Variants in SIPA1L1 observed in about 807,000 individuals in gnomAD.
The protein encoded by SIPA1L1 is signal induced proliferation associated 1 like 1, also known as signal-induced proliferation-associated 1-like protein 1.
Under a neutral mutation model 162.7 loss-of-function variants are expected in SIPA1L1, and 26 were observed. The ratio of observed to expected loss-of-function variants is 0.16; its 90% CI spans 0.12 to 0.22. SIPA1L1 has a LOEUF of 0.22. Ranked by LOEUF, SIPA1L1 falls within the 10% of genes least tolerant of loss-of-function variation. SIPA1L1 has a pLI of 1.00. For missense variants in SIPA1L1, 1,874 were observed against 2,241.0 expected (o/e 0.84, Z 3.31); for synonymous variants, 829 against 837.4 (o/e 0.99, Z 0.17).
intron 2 of SIPA1L1, among the ~76,000 whole-genome samples, chr14:71,508,375 A>G (rs1217306856): frequency 1.3e-5 from 2 of 152,182 alleles, no homozygotes; most frequent in East Asian, 1.9e-4. Context: ...TTGTTCATAT[A>G]ATAGACCATC....
chr14:71,565,993 A>G (rs1567215661), intron 4 of SIPA1L1, among the ~76,000 whole-genome samples: 2 of 152,090 alleles, frequency 1.3e-5, no homozygotes, highest in African/African-American at 2.4e-5. Context: ...AGCCAACTCA[A>G]TAAGACAACA....
rs1306185977 is a variant in SIPA1L1 at position 71,685,383 on chromosome 14, C to T, written c.3126C>T (p.Arg1042=). ...ATAGGAGTTGCTCTGAAACCTACCGCATGCCAGTGATGGAGTACAAAATGA... is the reference window on the plus strand; with the variant it reads ...ATAGGAGTTGCTCTGAAACCTACCGTATGCCAGTGATGGAGTACAAAATGA... ...TPRRSCSETY[R]MPVMEYKMNE... is the part of the protein sequence containing the mutation. The change falls in exon 13 of 24, where the codon CGC becomes CGT. Residue 1042 remains arginine, a synonymous_variant. Transcript: ENST00000381232. 1.9e-6 allele frequency: 3 copies of T among 1,614,140 alleles called. No individual in the cohort carries two copies. The Admixed American group carries it at 5.0e-5, about 27-fold the overall frequency.
intron 2 of SIPA1L1, among the ~76,000 whole-genome samples, chr14:71,465,591 G>T (rs1301270657): frequency 6.6e-6 from 1 of 152,168 alleles, no homozygotes; most frequent in Non-Finnish European, 1.5e-5. Flanking sequence ...TGTACTATTA[G>T]AAGTAGAGTC....
intron 2 of SIPA1L1, among the ~76,000 whole-genome samples, chr14:71,339,450 C>T (rs975945712): frequency 3.3e-5 from 5 of 151,830 alleles, no homozygotes; most frequent in Non-Finnish European, 7.4e-5. Flanking sequence ...GCAACCTCCG[C>T]CTCCTGGGTT....
chr14:71,577,139 A>G lies in SIPA1L1; in HGVS notation c.-302-10432A>G, dbSNP rs1053040110. ...TTGAGGAGCCACTGAAGGTTCTCAA[A>G]GTGACATGACTACCATAGCATTTTT... On this transcript the variant is annotated intron_variant, in intron 4 of 23. Coordinates refer to ENST00000381232, the MANE Select transcript of SIPA1L1 (RefSeq NM_001386936.1). Among the ~76,000 whole-genome samples the G allele has an allele frequency of 6.6e-5, 10 of 152,052 alleles. No homozygotes were observed. The South Asian group carries it at 8.3e-4, about 13-fold the overall frequency.
chr14:71,681,073 G>A (rs951403158), intron 12 of SIPA1L1, among the ~76,000 whole-genome samples: 6 of 152,184 alleles, frequency 3.9e-5, no homozygotes, highest in African/African-American at 1.4e-4. Flanking sequence ...TATTAAAACA[G>A]CGATGAGAAT....
At chr14:71,642,346 A>G (rs2041799154) in intron 7 of SIPA1L1, among the ~76,000 whole-genome samples, 1 of 152,208 alleles carries the variant, frequency 6.6e-6, no homozygotes, top group Non-Finnish European at 1.5e-5. Context: ...TAGAATTCGC[A>G]GAGCACAGAG....
intron 2 of SIPA1L1, among the ~76,000 whole-genome samples, chr14:71,430,980 T>C (rs778216515): frequency 1.8e-4 from 28 of 152,122 alleles, no homozygotes; most frequent in Admixed American, 3.3e-4. Flanking sequence ...TATATAGATA[T>C]ACATATACAC....
intron 2 of SIPA1L1, among the ~76,000 whole-genome samples, chr14:71,372,470 A>G (rs1163328445): frequency 6.6e-6 from 1 of 152,168 alleles, no homozygotes; most frequent in Non-Finnish European, 1.5e-5. Context: ...TCCAAAATTT[A>G]CAATTCGCTA....
At chr14:71,597,587 C>G (rs2036193108) in intron 5 of SIPA1L1, among the ~76,000 whole-genome samples, 1 of 152,026 alleles carries the variant, frequency 6.6e-6, no homozygotes, top group African/African-American at 2.4e-5. Flanking sequence ...GGAAGGTGTC[C>G]CTGTGGAGTA....
chr14:71,404,324 A>G (rs1169656070), intron 2 of SIPA1L1, among the ~76,000 whole-genome samples: 1 of 152,154 alleles, frequency 6.6e-6, no homozygotes, highest in Non-Finnish European at 1.5e-5. Context: ...TGGGCAGATC[A>G]TCTGAGGTCA....
chr14:71,364,295 T>C (rs2038080283), intron 2 of SIPA1L1, among the ~76,000 whole-genome samples: 1 of 152,182 alleles, frequency 6.6e-6, no homozygotes, highest in South Asian at 2.1e-4. Flanking sequence ...CCCTTTTTAA[T>C]GTAAACACAT....
chr14:71,705,469 G>C (rs959043256), intron 16 of SIPA1L1, 129 bp downstream of exon 16: 2 of 738,844 alleles, frequency 2.7e-6, no homozygotes, highest in Non-Finnish European at 4.7e-6. Context: ...GTGGTCGTTT[G>C]CTGCCATGGC....
At chr14:71,649,306 C>T (rs1333382341) in intron 7 of SIPA1L1, among the ~76,000 whole-genome samples, 6 of 151,700 alleles carry the variant, frequency 4.0e-5, no homozygotes, top group Admixed American at 2.6e-4. Context: ...ATCCTCGAAC[C>T]TCAACCTCCC....
chr14:71,398,639 A>G (rs2041418504), intron 2 of SIPA1L1, among the ~76,000 whole-genome samples: 1 of 152,192 alleles, frequency 6.6e-6, no homozygotes, highest in African/African-American at 2.4e-5. Flanking sequence ...GATAGCACAC[A>G]AGTTCATGGA....
intron 2 of SIPA1L1, among the ~76,000 whole-genome samples, chr14:71,355,009 A>T (rs1273229428): frequency 6.6e-6 from 1 of 152,184 alleles, no homozygotes; most frequent in Non-Finnish European, 1.5e-5. Flanking sequence ...GAGACAATGC[A>T]TACTTGTGCT....
intron 13 of SIPA1L1, among the ~76,000 whole-genome samples, chr14:71,687,208 T>C (rs2149592891): frequency 6.6e-6 from 1 of 152,378 alleles, no homozygotes; most frequent in African/African-American, 2.4e-5. Flanking sequence ...AGAGCCTTGC[T>C]ATTTATCTCA....
chr14:71,351,383 C>A (rs1445155147), intron 2 of SIPA1L1, among the ~76,000 whole-genome samples: 1 of 152,084 alleles, frequency 6.6e-6, no homozygotes, highest in Admixed American at 6.5e-5. Flanking sequence ...TAGGACTCAA[C>A]ACTAAAGGTA....
chr14:71,472,232 C>G (rs1365197610), intron 2 of SIPA1L1, among the ~76,000 whole-genome samples: 2 of 151,820 alleles, frequency 1.3e-5, no homozygotes, highest in East Asian at 3.9e-4. Context: ...GTAGCAAACC[C>G]TGTTTTGGTC....
Sources: allele counts gnomAD v4.1 joint callset (sites outside exome capture counted in the v4.1 genomes callset), GRCh38; gene constraint gnomAD v4.1.1; transcripts MANE v1.5; gene names NCBI Gene and HGNC (gene_info 2026-07-23, HGNC 2026-07-21).